The following NRIP1 variants were observed in gnomAD, a reference collection of about 807,000 sequenced individuals.
NRIP1 encodes the protein nuclear receptor interacting protein 1.
Under a neutral mutation model 75.0 loss-of-function variants are expected in NRIP1, and 28 were observed. The ratio of observed to expected loss-of-function variants is 0.37; its 90% CI spans 0.28 to 0.51. The LOEUF is 0.51. Ranked by LOEUF, NRIP1 falls within the 20% of genes least tolerant of loss-of-function variation. The probability of loss-of-function intolerance (pLI) is 0.92; values close to 1 mark genes in which losing one functional copy is unlikely to be tolerated. For missense variants in NRIP1, 1,435 were observed against 1,343.7 expected, an observed-to-expected ratio of 1.07 and a Z score of -1.06; for synonymous variants, 526 against 487.6, an observed-to-expected ratio of 1.08 and a Z score of -1.04.
rs375133075 is a variant in NRIP1, at chr21:14,967,145, T to C, written c.1048A>G (p.Met350Val). The change falls in exon 4 of 4, where the codon ATG (methionine) becomes GTG (valine). Residue 350 changes from methionine to valine, a missense_variant. Physicochemically the swap from Met to Val is conservative, Grantham distance 21. Coordinates refer to ENST00000318948, the MANE Select transcript of NRIP1 (RefSeq NM_003489.4). ...KSSATVFQNP[M>V]GIIPSSPKNA... ...TTAGGGGAAGAAGGAATGATACCCA[T>C]TGGATTTTGAAACACTGTAGCACTA... 6.8e-6 allele frequency: 11 copies of C among 1,613,980 alleles called. No individual in the cohort carries two copies. The highest frequency in any genetic ancestry group is 1.7e-5 in the Admixed American group (1 of 59,984).
At chr21:15,019,736 C>G (rs1242973318) in intron 2 of NRIP1, among the ~76,000 whole-genome samples, 1 of 151,988 alleles carries the variant, frequency 6.6e-6, no homozygotes, top group Non-Finnish European at 1.5e-5. Context: ...GATCCACCCA[C>G]CTAGACCTTC....
At chr21:14,978,375 G>A (rs761216463) in intron 3 of NRIP1, among the ~76,000 whole-genome samples, 4 of 152,062 alleles carry the variant, frequency 2.6e-5, no homozygotes, top group Non-Finnish European at 4.4e-5. Flanking sequence ...AATAAATTCC[G>A]GGGGAAGGAA....
chr21:15,026,394 C>A (rs1240560253), intron 2 of NRIP1, among the ~76,000 whole-genome samples: 1 of 152,154 alleles, frequency 6.6e-6, no homozygotes, highest in Admixed American at 6.5e-5. Flanking sequence ...ATTCTTAGAT[C>A]TGACAATGAT....
At chr21:15,022,452 G>A (rs1338408039) in intron 2 of NRIP1, among the ~76,000 whole-genome samples, 1 of 152,152 alleles carries the variant, frequency 6.6e-6, no homozygotes, top group Admixed American at 6.5e-5. Context: ...TAGTATCTAA[G>A]TGATGGGTTG....
At chr21:15,024,435 G>A (rs928229854) in intron 2 of NRIP1, among the ~76,000 whole-genome samples, 5 of 152,082 alleles carry the variant, frequency 3.3e-5, no homozygotes, top group African/African-American at 7.2e-5. Context: ...CCAGCTACTA[G>A]GGAGGCTGAA....
chr21:15,000,711 G>C lies in NRIP1; in HGVS notation c.-335+13633C>G, dbSNP rs189667253. ...AAATATTCTGATTTTTAGTTCCATA[G>C]TTTACTTTTCCTCTACAATTTCTGA... On this transcript the variant is annotated intron_variant, in intron 3 of 3. Coordinates refer to ENST00000318948, the MANE Select transcript of NRIP1 (RefSeq NM_003489.4). Among the ~76,000 whole-genome samples, 22 of 152,142 alleles carry C rather than the reference G, an allele frequency of 1.4e-4. No individual in the cohort carries two copies. The East Asian group carries it at 3.7e-3, about 25-fold the overall frequency.
chr21:15,031,139 G>GTT (rs2088672829), intron 2 of NRIP1, among the ~76,000 whole-genome samples: 8 of 124,532 alleles, frequency 6.4e-5, no homozygotes, highest in South Asian at 3.2e-4. Flanking sequence ...TCTGGAAGGC[G>GTT]CACGGAGGAT....
At chr21:15,011,860 G>A (rs2088111948) in intron 3 of NRIP1, among the ~76,000 whole-genome samples, 1 of 152,006 alleles carries the variant, frequency 6.6e-6, no homozygotes, top group Admixed American at 6.5e-5. Flanking sequence ...AATTTTGTTA[G>A]TTACTCAATA....
chr21:15,009,336 T>C (rs1291461569), intron 3 of NRIP1, among the ~76,000 whole-genome samples: 1 of 152,186 alleles, frequency 6.6e-6, no homozygotes, highest in Non-Finnish European at 1.5e-5. Context: ...AGCTGCTATG[T>C]TGTTAAGAGC....
At chr21:14,975,451 C>T (rs1291373666) in intron 3 of NRIP1, among the ~76,000 whole-genome samples, 2 of 151,100 alleles carry the variant, frequency 1.3e-5, no homozygotes, top group African/African-American at 4.9e-5. Flanking sequence ...GTATAATGGG[C>T]TCTAAGAAAA....
At position 14,967,983 on chromosome 21, in the gene NRIP1, T is replaced by C; in HGVS notation, c.210A>G (p.Thr70=). ...TCQSNGPVLN[T]HTYQGSGMLH... is the part of the protein sequence containing the mutation. The stretch of plus-strand genomic sequence containing the variant: ...GCATGCCAGACCCCTGATATGTATG[T>C]GTATTGAGAACTGGACCATTACTTT... The change falls in exon 4 of 4, where the codon ACA becomes ACG. Residue 70 remains threonine (T), a synonymous_variant. Transcript: ENST00000318948. 1 of 1,614,036 alleles carries C rather than the reference T, an allele frequency of 6.2e-7. No individual in the cohort carries two copies. Among genetic ancestry groups the C allele is most frequent in the Non-Finnish European group, 8.5e-7 (1 of 1,179,998 alleles).
At chr21:14,993,251 T>C (rs907568133) in intron 3 of NRIP1, among the ~76,000 whole-genome samples, 4 of 146,478 alleles carry the variant, frequency 2.7e-5, no homozygotes, top group African/African-American at 1.0e-4. Flanking sequence ...AAAAAAAAAA[T>C]CAGGGCTGAG....
chr21:14,984,367 GTT>G (rs544247644), intron 3 of NRIP1, among the ~76,000 whole-genome samples: 4 of 139,150 alleles, frequency 2.9e-5, no homozygotes, highest in Non-Finnish European at 3.1e-5. Context: ...GTTGTTGCGG[GTT>G]TTTTTTTTTT....
rs117084562 is a variant in NRIP1 at position 14,968,064 on chromosome 21, C to G, written c.129G>C (p.Gly43=). 2 of 1,614,032 alleles carry G rather than the reference C, an allele frequency of 1.2e-6. No individual in the cohort carries two copies. The highest frequency in any genetic ancestry group is 4.5e-5 in the East Asian group (2 of 44,880). ...SGTAVDKKSA[G]HNEEDQNFNI... The stretch of plus-strand genomic sequence containing the variant: ...TAAAGTTCTGATCCTCTTCATTATG[C>G]CCAGCAGACTTTTTGTCAACGGCAG... The change falls in exon 4 of 4, where the codon GGG becomes GGC. Residue 43 remains glycine (G), a synonymous_variant. Transcript: ENST00000318948.
intron 3 of NRIP1, among the ~76,000 whole-genome samples, chr21:14,990,375 G>A (rs2087535871): frequency 6.6e-6 from 1 of 152,242 alleles, no homozygotes; most frequent in East Asian, 1.9e-4. Context: ...GGGAGGGCCG[G>A]GGTGGGTTAC....
chr21:14,996,995 TAAACTC>T (rs2087746974), intron 3 of NRIP1, among the ~76,000 whole-genome samples: 1 of 152,076 alleles, frequency 6.6e-6, no homozygotes. Flanking sequence ...AAACTTCACT[TAAACTC>T]AAATCAAATC....
chr21:15,055,058 G>A (rs539404939), intron 1 of NRIP1, among the ~76,000 whole-genome samples: 1 of 152,270 alleles, frequency 6.6e-6, no homozygotes, highest in Admixed American at 6.5e-5. Context: ...CTTCTCTCTT[G>A]CTCTCTTTTC....
At position 15,031,580 on chromosome 21, in the gene NRIP1, CTGGAAGG is replaced by C. The variant is rs1351996101; in HGVS notation, c.-458+11908_-458+11914del. On this transcript the variant is annotated intron_variant, in intron 2 of 3. Transcript: ENST00000318948. Reference sequence around the variant, plus strand: ...CATTCCCTTTCTATGTGTATACACTCTGGAAGGCGCTCGGAGGATCACCACATTCCCT... The same window carrying C: ...CATTCCCTTTCTATGTGTATACACTCCGCTCGGAGGATCACCACATTCCCT... Among the ~76,000 whole-genome samples, 202 of 142,264 alleles carry C rather than the reference CTGGAAGG, an allele frequency of 1.4e-3. No individual in the cohort carries two copies. In the East Asian group the frequency reaches 0.022, roughly 15 times the overall value. 93.3% of individuals were successfully genotyped at this position (142,264 alleles called of 152,430 possible). A position where few individuals can be genotyped will look rare whatever the true frequency, so the allele number is the denominator to read the frequency against.
chr21:15,053,207 A>C (rs1037203838), intron 1 of NRIP1, among the ~76,000 whole-genome samples: 5 of 152,238 alleles, frequency 3.3e-5, no homozygotes, highest in African/African-American at 7.2e-5. Flanking sequence ...TAATTTATTA[A>C]AGGAGGAAAA....
Sources: gnomAD v4.1 joint callset for allele counts (sites outside exome capture counted in the v4.1 genomes callset) on GRCh38, gnomAD v4.1.1 for gene constraint, MANE v1.5 for transcripts, NCBI Gene and HGNC (gene_info 2026-07-23, HGNC 2026-07-21) for gene names.